Variants in PRKN observed in about 807,000 individuals in gnomAD.
PRKN encodes the protein parkin RBR E3 ubiquitin protein ligase, also known as E3 ubiquitin-protein ligase parkin.
In PRKN, 56 loss-of-function variants were observed where a neutral mutation model predicts 59.5. The observed-to-expected ratio is 0.94, with a 90% CI of 0.76 to 1.18. The LOEUF is 1.18. PRKN is among the 50% of genes most tolerant of loss of function. The pLI, the probability that PRKN is intolerant of heterozygous loss-of-function variation, is 0.00. For missense variants in PRKN, 657 were observed against 596.4 expected, an observed-to-expected ratio of 1.10 and a Z score of -1.06; for synonymous variants, 250 against 222.1, an observed-to-expected ratio of 1.13 and a Z score of -1.12.
chr6:162,308,806 G>A (rs558394346), intron 2 of PRKN, among the ~76,000 whole-genome samples: 1 of 152,114 alleles, frequency 6.6e-6, no homozygotes, highest in Non-Finnish European at 1.5e-5. Context: ...CTGGTGCCAG[G>A]GCAGCCCATC....
chr6:162,236,658 G>T (rs1778735914), intron 3 of PRKN, among the ~76,000 whole-genome samples: 1 of 151,646 alleles, frequency 6.6e-6, no homozygotes, highest in Non-Finnish European at 1.5e-5. Context: ...AACTGGGCAT[G>T]ATGGCACATG....
At chr6:162,453,796 A>T (rs1484969496) in intron 1 of PRKN, among the ~76,000 whole-genome samples, 2 of 152,024 alleles carry the variant, frequency 1.3e-5, no homozygotes, top group African/African-American at 4.8e-5. Context: ...CCAGCTACTC[A>T]GGAGGCTGAG....
chr6:162,435,204 T>C (rs1789713442), intron 2 of PRKN, among the ~76,000 whole-genome samples: 1 of 152,206 alleles, frequency 6.6e-6, no homozygotes, highest in African/African-American at 2.4e-5. Flanking sequence ...GGAGATTGGA[T>C]TGCTGCAGAG....
chr6:161,443,309 C>CAA (rs145832867), intron 9 of PRKN, among the ~76,000 whole-genome samples: 11 of 79,978 alleles, frequency 1.4e-4, no homozygotes, highest in African/African-American at 1.9e-4. Context: ...GACTCCGTCT[C>CAA]AAAAAAAAAA....
chr6:161,511,587 A>C (rs1778394360), intron 9 of PRKN, among the ~76,000 whole-genome samples: 1 of 152,194 alleles, frequency 6.6e-6, no homozygotes, highest in Non-Finnish European at 1.5e-5. Context: ...GCCCATGACA[A>C]TTGACTGGAC....
chr6:162,452,453 C>T (rs894458897), intron 1 of PRKN, among the ~76,000 whole-genome samples: 1 of 151,752 alleles, frequency 6.6e-6, no homozygotes, highest in Non-Finnish European at 1.5e-5. Context: ...AATATGTATG[C>T]CAAGTATGGC....
At chr6:161,646,254 T>C (rs113703406) in intron 7 of PRKN, among the ~76,000 whole-genome samples, 5 of 43,382 alleles carry the variant, frequency 1.2e-4, no homozygotes, top group African/African-American at 3.2e-4. Flanking sequence ...GCGGAGGAGG[T>C]GGCGTATCAG....
At chr6:162,645,369 G>A (rs977236818) in intron 1 of PRKN, among the ~76,000 whole-genome samples, 3 of 152,110 alleles carry the variant, frequency 2.0e-5, no homozygotes, top group Non-Finnish European at 2.9e-5. Context: ...TGATTTTTGT[G>A]CATCAAGAAG....
chr6:162,198,938 T>C (rs1173103280), intron 4 of PRKN, among the ~76,000 whole-genome samples: 2 of 152,154 alleles, frequency 1.3e-5, no homozygotes, highest in African/African-American at 2.4e-5. Flanking sequence ...TCTATTTTTT[T>C]CCCACACAAA....
chr6:162,166,141 T>C (rs1782980465), intron 4 of PRKN, among the ~76,000 whole-genome samples: 1 of 151,960 alleles, frequency 6.6e-6, no homozygotes, highest in Non-Finnish European at 1.5e-5. Flanking sequence ...AAATGCTCTA[T>C]TCAAGAGAGT....
intron 9 of PRKN, among the ~76,000 whole-genome samples, chr6:161,426,016 T>C (rs1403724317): frequency 1.3e-5 from 2 of 152,088 alleles, no homozygotes; most frequent in Non-Finnish European, 2.9e-5. Flanking sequence ...ACACTGGATG[T>C]TCAGGGGAAT....
At position 161,357,989 on chromosome 6, in the gene PRKN, G is replaced by A. The variant is rs989912834; in HGVS notation, c.1285+2099C>T. Among the ~76,000 whole-genome samples, 2 of 152,244 alleles carry A rather than the reference G, an allele frequency of 1.3e-5. No individual in the cohort carries two copies. The highest frequency in any genetic ancestry group is 4.8e-5 in the African/African-American group (2 of 41,464). ...TCCTGCAACACTGCAGTGCCGGGCT[G>A]TGTGAAGCTTTACCACCGATTTATC... is the stretch of plus-strand genomic sequence containing the variant. On this transcript the variant is annotated intron_variant, in intron 11 of 11. Coordinates refer to ENST00000366898, the MANE Select transcript of PRKN (RefSeq NM_004562.3). This position sits in a 1 kb window ranked among gnomAD's most constrained non-coding sequence, Gnocchi z 5.5.
chr6:161,791,556 T>C (rs964089182), intron 6 of PRKN, among the ~76,000 whole-genome samples: 3 of 152,214 alleles, frequency 2.0e-5, no homozygotes, highest in Non-Finnish European at 2.9e-5. Context: ...TTCCCATGTG[T>C]ACATCTTCAT....
At chr6:161,976,472 A>G (rs1273356440) in intron 5 of PRKN, among the ~76,000 whole-genome samples, 3 of 152,188 alleles carry the variant, frequency 2.0e-5, no homozygotes, top group Non-Finnish European at 2.9e-5. Context: ...CCATGAGTCC[A>G]GGACCTTCCC....
chr6:161,919,661 C>T (rs75666827), intron 6 of PRKN, among the ~76,000 whole-genome samples: 12,833 of 152,186 alleles, frequency 0.084, 833 homozygotes, highest in East Asian at 0.34. Flanking sequence ...CAAATAGGTT[C>T]ACAATTTAAA....
At chr6:161,886,506 G>A (rs1795152676) in intron 6 of PRKN, among the ~76,000 whole-genome samples, 1 of 152,026 alleles carries the variant, frequency 6.6e-6, no homozygotes, top group South Asian at 2.1e-4. Context: ...AGACCAGCCT[G>A]ACCAACACAG....
chr6:161,517,462 C>T (rs571496), intron 9 of PRKN, among the ~76,000 whole-genome samples: 106,966 of 151,812 alleles, frequency 0.7, 37,738 homozygotes, highest in Middle Eastern at 0.8. Context: ...GGTGCTAGGC[C>T]GGGCGTGGTG....
chr6:161,605,735 C>T (rs1782257009), intron 7 of PRKN, among the ~76,000 whole-genome samples: 1 of 152,084 alleles, frequency 6.6e-6, no homozygotes. Context: ...GTCTCGAACC[C>T]CTGGCCTCAA....
At chr6:161,885,725 A>G (rs1011802611) in intron 6 of PRKN, among the ~76,000 whole-genome samples, 1 of 151,970 alleles carries the variant, frequency 6.6e-6, no homozygotes, top group African/African-American at 2.4e-5. Context: ...CTCTGAATTA[A>G]GTCATTGGGA....
Sources: allele counts gnomAD v4.1 joint callset (sites outside exome capture counted in the v4.1 genomes callset), GRCh38; gene constraint gnomAD v4.1.1; non-coding constraint Gnocchi (gnomAD v3.1); transcripts MANE v1.5; gene names NCBI Gene and HGNC (gene_info 2026-07-23, HGNC 2026-07-21).